NALF1: variants seen among roughly 807,000 people sequenced by gnomAD.
NALF1 encodes the protein NALCN channel auxiliary factor 1, also known as family with sequence similarity 155 member A.
NALF1 carries 3 observed loss-of-function variants against 48.4 expected under a neutral mutation model. That is an observed-to-expected ratio of 0.06 (90% CI 0.03 to 0.16). The LOEUF (loss-of-function observed/expected upper bound fraction) is 0.16. Ranked by LOEUF, NALF1 falls within the 10% of genes least tolerant of loss-of-function variation. The probability of loss-of-function intolerance (pLI) is 1.00; values close to 1 mark genes in which losing one functional copy is unlikely to be tolerated. For missense variants in NALF1, 526 were observed against 571.5 expected (o/e 0.92, Z 0.81); for synonymous variants, 262 against 245.7 (o/e 1.07, Z -0.62).
intron 1 of NALF1, among the ~76,000 whole-genome samples, chr13:107,250,640 C>T (rs1325777777): frequency 6.6e-6 from 1 of 152,130 alleles, no homozygotes; most frequent in South Asian, 2.1e-4. Flanking sequence ...AGTTTCGGCG[C>T]ATTGGTAGAG....
At chr13:107,740,280 T>C (rs1173283986) in intron 1 of NALF1, among the ~76,000 whole-genome samples, 3 of 152,106 alleles carry the variant, frequency 2.0e-5, no homozygotes, top group Non-Finnish European at 4.4e-5. Context: ...CAATTGGAAA[T>C]GACAAATGCA....
At chr13:107,782,473 A>G (rs1278410046) in intron 1 of NALF1, among the ~76,000 whole-genome samples, 1 of 151,192 alleles carries the variant, frequency 6.6e-6, no homozygotes, top group Non-Finnish European at 1.5e-5. Context: ...CCCGGCCGCC[A>G]CCCCGTCTAG....
intron 1 of NALF1, among the ~76,000 whole-genome samples, chr13:107,358,632 G>A (rs1305940575): frequency 6.6e-6 from 1 of 152,110 alleles, no homozygotes; most frequent in East Asian, 1.9e-4. Context: ...CACAGTGTTG[G>A]AAATTAAAAA....
chr13:107,503,753 T>TGTG (rs1329568918), intron 1 of NALF1, among the ~76,000 whole-genome samples: 8,888 of 70,828 alleles, frequency 0.13, 398 homozygotes, highest in South Asian at 0.14. Flanking sequence ...GTGTGTGTGT[T>TGTG]TGTGTGTGTG....
At chr13:107,519,820 T>A (rs1876178083) in intron 1 of NALF1, among the ~76,000 whole-genome samples, 1 of 152,182 alleles carries the variant, frequency 6.6e-6, no homozygotes, top group Non-Finnish European at 1.5e-5. Context: ...AAGAAGTAGC[T>A]TGAGAAAGAG....
chr13:107,826,365 A>G (rs1221433659), intron 1 of NALF1, among the ~76,000 whole-genome samples: 3 of 152,080 alleles, frequency 2.0e-5, no homozygotes, highest in Non-Finnish European at 4.4e-5. Flanking sequence ...CAACAACACA[A>G]GCTGACAGGG....
At chr13:107,547,389 A>G (rs906779743) in intron 1 of NALF1, among the ~76,000 whole-genome samples, 4 of 152,212 alleles carry the variant, frequency 2.6e-5, no homozygotes, top group African/African-American at 9.6e-5. Context: ...ATTACTTTGG[A>G]ACTTAAGAGT....
At chr13:107,547,622 C>T (rs574808489) in intron 1 of NALF1, among the ~76,000 whole-genome samples, 1 of 152,142 alleles carries the variant, frequency 6.6e-6, no homozygotes, top group Non-Finnish European at 1.5e-5. Flanking sequence ...ATGATACATG[C>T]AGCACATGGT....
intron 1 of NALF1, among the ~76,000 whole-genome samples, chr13:107,371,958 A>G (rs1883255373): frequency 6.6e-6 from 1 of 152,204 alleles, no homozygotes; most frequent in Non-Finnish European, 1.5e-5. Flanking sequence ...ATTGACAATA[A>G]GAGAGTAAGA....
chr13:107,360,200 A>T (rs1467903616), intron 1 of NALF1, among the ~76,000 whole-genome samples: 1 of 152,336 alleles, frequency 6.6e-6, no homozygotes, highest in South Asian at 2.1e-4. Flanking sequence ...AATAAAATGA[A>T]TCAGAGTCAA....
intron 1 of NALF1, among the ~76,000 whole-genome samples, chr13:107,813,166 A>G (rs1411878510): frequency 6.6e-6 from 1 of 152,218 alleles, no homozygotes; most frequent in Non-Finnish European, 1.5e-5. Context: ...TAAAATTTTC[A>G]TAAATTGTGA....
rs574835470 is a variant in NALF1 at position 107,668,862 on chromosome 13, C to T, written c.915+196820G>A. 6.6e-5 allele frequency among the ~76,000 whole-genome samples: 10 copies of T among 152,066 alleles called. No homozygotes were observed. The South Asian group carries it at 1.0e-3, about 16-fold the overall frequency. On this transcript the variant is annotated intron_variant, in intron 1 of 2. Transcript: ENST00000375915. ...ATTTAATGAGATCAGACCTAGGGGA[C>T]GCTGTGAGCTTCATAGAAGACAGAC...
intron 1 of NALF1, among the ~76,000 whole-genome samples, chr13:107,465,785 T>C (rs1884992284): frequency 6.6e-6 from 1 of 152,154 alleles, no homozygotes; most frequent in Non-Finnish European, 1.5e-5. Flanking sequence ...AAGATTAAGG[T>C]AGCAGATTTT....
At chr13:107,339,088 T>G (rs918329349) in intron 1 of NALF1, among the ~76,000 whole-genome samples, 5 of 146,602 alleles carry the variant, frequency 3.4e-5, no homozygotes, top group Non-Finnish European at 7.4e-5. Flanking sequence ...GAGCAGAGAT[T>G]GTGCCACTGC....
intron 2 of NALF1, among the ~76,000 whole-genome samples, chr13:107,174,343 T>TTTTA (rs1218825152): frequency 1.5e-4 from 14 of 96,376 alleles, no homozygotes; most frequent in Non-Finnish European, 2.6e-4. Flanking sequence ...AAACTTTTAT[T>TTTTA]TTTATTTATT....
chr13:107,846,332 T>G (rs936753875), intron 1 of NALF1, among the ~76,000 whole-genome samples: 3 of 152,232 alleles, frequency 2.0e-5, no homozygotes, highest in Admixed American at 6.5e-5. Context: ...GAGGCACTGC[T>G]GAACCACAAA....
At chr13:107,619,438 G>T (rs1250047251) in intron 1 of NALF1, among the ~76,000 whole-genome samples, 2 of 152,128 alleles carry the variant, frequency 1.3e-5, no homozygotes, top group Non-Finnish European at 2.9e-5. Flanking sequence ...TCATTGCCTT[G>T]CAGCATAGCC....
At chr13:107,499,077 C>T (rs765553651) in intron 1 of NALF1, among the ~76,000 whole-genome samples, 11 of 151,518 alleles carry the variant, frequency 7.3e-5, no homozygotes, top group Non-Finnish European at 1.5e-4. Flanking sequence ...AATAAAAAAA[C>T]GATCAACACA....
chr13:107,629,258 T>C (rs1241455826), intron 1 of NALF1, among the ~76,000 whole-genome samples: 31 of 152,210 alleles, frequency 2.0e-4, no homozygotes, highest in Admixed American at 2.0e-3. Context: ...AATACTAATA[T>C]AGCAGTAATC....
Sources: allele counts gnomAD v4.1 joint callset (sites outside exome capture counted in the v4.1 genomes callset), GRCh38; gene constraint gnomAD v4.1.1; transcripts MANE v1.5; gene names NCBI Gene and HGNC (gene_info 2026-07-23, HGNC 2026-07-21).